The following TTC13 variants were observed in gnomAD, a reference collection of about 807,000 sequenced individuals.
TTC13 encodes tetratricopeptide repeat protein 13.
A neutral mutation model predicts 120.0 loss-of-function variants in TTC13; 62 were observed. That is an observed-to-expected ratio of 0.52 (90% CI 0.42 to 0.64). TTC13 has a LOEUF of 0.64. Ranked by LOEUF, TTC13 falls within the 30% of genes least tolerant of loss-of-function variation. TTC13 has a pLI of 0.00. For missense variants in TTC13, 824 were observed against 1,050.2 expected (o/e 0.78, Z 2.98); for synonymous variants, 384 against 393.5 (o/e 0.98, Z 0.28).
chr1:230,947,499 T>A (rs540707909), intron 4 of TTC13, among the ~76,000 whole-genome samples: 1 of 151,900 alleles, frequency 6.6e-6, no homozygotes, highest in Admixed American at 6.6e-5. Flanking sequence ...TGGGCCACAT[T>A]GGGAAAAGAA....
rs906347197 is a variant in TTC13, at chr1:230,940,776, C to T, written c.673-220G>A. 6.6e-6 allele frequency among the ~76,000 whole-genome samples: 1 copy of T among 152,198 alleles called. No individual in the cohort carries two copies. Among genetic ancestry groups the T allele is most frequent in the East Asian group, 1.9e-4 (1 of 5,192 alleles). On this transcript the variant is annotated intron_variant, in intron 6 of 22. Transcript: ENST00000366661. The surrounding 1 kb of genome is among the most constrained non-coding windows in gnomAD (Gnocchi z 4.1). ...CAAGCAGGAGGCTGATGAACTATGA[C>T]TGCAGCAACTGCCTTGTCACTATTT...
In TTC13 at chr1:230,907,018, T is replaced by C; in HGVS notation, c.2470A>G (p.Ile824Val). ...GGAAGAGTCTTATAAGAAGGTGAAA[T>C]ACTGAAAAAGAAAAACACAAAGTAG... The part of the protein sequence containing the change: ...VAKSWMNLKS[I>V]SPSYKTLPSV... Residue 824 changes from isoleucine to valine, a missense_variant and splice_region_variant, in exon 23 of 23, where the codon ATT (isoleucine) becomes GTT (valine). By Grantham distance (29) the Ile-to-Val change is conservative (BLOSUM62 3). Transcript: ENST00000366661. The C allele has an allele frequency of 6.8e-7, 1 of 1,475,192 alleles. No individual in the cohort carries two copies. Among genetic ancestry groups the C allele is most frequent in the Non-Finnish European group, 9.0e-7 (1 of 1,106,188 alleles). The allele number at this position is 1,475,192 out of a possible 1,614,324, so 91.4% of individuals were successfully genotyped here.
intron 13 of TTC13, 25 bp from the exon 14 acceptor site, chr1:230,924,998 A>G (rs764215956): frequency 6.2e-7 from 1 of 1,613,970 alleles, no homozygotes; most frequent in Non-Finnish European, 8.5e-7. Flanking sequence ...TATCGAGAAG[A>G]GTTAGTACAC....
chr1:230,929,612 C>A (rs1673364418), intron 11 of TTC13, among the ~76,000 whole-genome samples: 1 of 152,128 alleles, frequency 6.6e-6, no homozygotes, highest in Non-Finnish European at 1.5e-5. Flanking sequence ...CCGCGCCTGG[C>A]CTAGTTTGGC....
At chr1:230,974,374 G>A (rs1044345938) in intron 1 of TTC13, among the ~76,000 whole-genome samples, 6 of 152,188 alleles carry the variant, frequency 3.9e-5, no homozygotes, top group South Asian at 4.2e-4. Context: ...ATAATGATTC[G>A]GCCAATGATG....
intron 3 of TTC13, among the ~76,000 whole-genome samples, chr1:230,956,051 T>C (rs1676053075): frequency 6.6e-6 from 1 of 152,188 alleles, no homozygotes; most frequent in African/African-American, 2.4e-5. Context: ...GTAATATCCT[T>C]TACCAGTATT....
At chr1:230,929,416 G>A (rs529183505) in intron 11 of TTC13, among the ~76,000 whole-genome samples, 3 of 151,710 alleles carry the variant, frequency 2.0e-5, no homozygotes, top group South Asian at 2.1e-4. Flanking sequence ...CTGGGTTCAA[G>A]CCATTCTCCT....
Position 230,924,887 on chromosome 1 carries a change from A to G in TTC13, c.1675T>C (p.Leu559=). The change falls in exon 14 of 23, where the codon TTG becomes CTG. Residue 559 remains leucine (L), a synonymous_variant. Transcript: ENST00000366661. ...TCAAACATGTCTCTCCACTGCATCA[A>G]CCGTGTCTTCCCATTCATTCGAACT... ...SKVRMNGKTR[L]MQWRDMFDIA... is the part of the protein sequence containing the mutation. The G allele has an allele frequency of 6.2e-7, 1 of 1,614,202 alleles. No individual in the cohort carries two copies. Among genetic ancestry groups the G allele is most frequent in the Non-Finnish European group, 8.5e-7 (1 of 1,180,048 alleles).
intron 1 of TTC13, among the ~76,000 whole-genome samples, chr1:230,963,283 G>A (rs995573200): frequency 3.3e-5 from 5 of 152,092 alleles, no homozygotes; most frequent in Non-Finnish European, 5.9e-5. Flanking sequence ...AGAAGCCCTG[G>A]GGTGGTGAAC....
rs924039876 is a variant in TTC13, at chr1:230,978,728, G to A, written c.103C>T (p.Leu35=). 3.3e-6 allele frequency: 5 copies of A among 1,497,840 alleles called. No homozygotes were observed. Among genetic ancestry groups the A allele is most frequent in the Non-Finnish European group, 4.4e-6 (5 of 1,132,346 alleles). The allele number at this position is 1,497,840 out of a possible 1,614,324, so 92.8% of individuals were successfully genotyped here. The change falls in exon 1 of 23, where the codon CTG becomes TTG. Residue 35 remains leucine (L), a synonymous_variant. Coordinates refer to ENST00000366661, the MANE Select transcript of TTC13 (RefSeq NM_024525.5). The surrounding 1 kb of genome is among the most constrained non-coding windows in gnomAD (Gnocchi z 5.6). ...RVLLLLLLGV[L]SAGLRPGALA... is the part of the protein sequence containing the mutation. The stretch of plus-strand genomic sequence containing the variant: ...GCGCCTGGCCGCAGCCCGGCGGACA[G>A]GACCCCCAGCAGCAGCAGCAGCAGG...
chr1:230,958,876 C>T (rs1475886292), intron 2 of TTC13, among the ~76,000 whole-genome samples: 1 of 152,122 alleles, frequency 6.6e-6, no homozygotes, highest in Admixed American at 6.5e-5. Context: ...ACTGATAGCC[C>T]CAGCTACTTG....
At chr1:230,954,953 C>T (rs1434453582) in intron 3 of TTC13, among the ~76,000 whole-genome samples, 1 of 152,192 alleles carries the variant, frequency 6.6e-6, no homozygotes, top group African/African-American at 2.4e-5. Context: ...CTTTTTCCTA[C>T]TTCTTCCATT....
chr1:230,911,931 C>CT (rs1219381806), intron 19 of TTC13, among the ~76,000 whole-genome samples: 3 of 152,194 alleles, frequency 2.0e-5, no homozygotes, highest in Admixed American at 6.5e-5. Context: ...GGGTAAGCCC[C>CT]TTCCCCTACT....
chr1:230,931,160 G>T, intron 11 of TTC13, 138 bp downstream of exon 11: 1 of 740,970 alleles, frequency 1.3e-6, no homozygotes. Context: ...CACTAGCACT[G>T]ACAAGGTGTG....
chr1:230,908,548 A>C (rs1242751698), intron 22 of TTC13, 164 bp downstream of exon 22: 4 of 651,170 alleles, frequency 6.1e-6, no homozygotes, highest in Non-Finnish European at 1.1e-5. Flanking sequence ...TACAACAGCA[A>C]AACATTTTAA....
chr1:230,931,591 A>G, intron 10 of TTC13, 119 bp from the exon 11 acceptor site: 1 of 1,454,222 alleles, frequency 6.9e-7, no homozygotes, highest in South Asian at 1.3e-5. Context: ...ACTAGTCTAC[A>G]GGACAAGAGC....
At chr1:230,907,223 G>T (rs563831577) in intron 22 of TTC13, among the ~76,000 whole-genome samples, 4 of 152,192 alleles carry the variant, frequency 2.6e-5, no homozygotes, top group South Asian at 2.1e-4. Flanking sequence ...GTTACAAGTC[G>T]CTTGGAAGTT....
At chr1:230,912,839 A>T (rs1433693378) in intron 18 of TTC13, 81 bp from the exon 19 acceptor site, 1 of 1,276,950 alleles carries the variant, frequency 7.8e-7, no homozygotes, top group Non-Finnish European at 1.1e-6. Flanking sequence ...TTAAAAAGCA[A>T]ATAGCATACT....
At chr1:230,935,675 G>T (rs1673976796) in intron 8 of TTC13, among the ~76,000 whole-genome samples, 1 of 152,170 alleles carries the variant, frequency 6.6e-6, no homozygotes, top group Non-Finnish European at 1.5e-5. Flanking sequence ...AGTGTAGGCA[G>T]TGAGGACTGG....
Sources: gnomAD v4.1 joint callset for allele counts (sites outside exome capture counted in the v4.1 genomes callset) on GRCh38, gnomAD v4.1.1 for gene constraint, Gnocchi (gnomAD v3.1) non-coding constraint, MANE v1.5 for transcripts, NCBI Gene and HGNC (gene_info 2026-07-23, HGNC 2026-07-21) for gene names.